Variants in SLC4A4 observed in about 807,000 individuals in gnomAD.
SLC4A4 encodes solute carrier family 4 member 4, also known as electrogenic sodium bicarbonate cotransporter 1.
SLC4A4 carries 27 observed loss-of-function variants against 111.5 expected under a neutral mutation model. That is an observed-to-expected ratio of 0.24 (90% CI 0.18 to 0.33). SLC4A4 has a LOEUF of 0.33. Among genes scored for constraint, SLC4A4 ranks in the 10% least tolerant of loss-of-function variants. The pLI is 1.00. For synonymous variants in SLC4A4, 443 were observed against 463.4 expected (o/e 0.96, Z 0.57); for missense variants, 909 against 1,315.5 (o/e 0.69, Z 4.78).
At chr4:71,333,887 G>T (rs969952063) in intron 3 of SLC4A4, among the ~76,000 whole-genome samples, 1 of 152,146 alleles carries the variant, frequency 6.6e-6, no homozygotes, top group Non-Finnish European at 1.5e-5. Context: ...ATGCTGCCAG[G>T]CCTGGGTTTC....
At chr4:71,106,569 TAC>T (rs1742926577) in intron 2 of SLC4A4, among the ~76,000 whole-genome samples, 3 of 145,872 alleles carry the variant, frequency 2.1e-5, no homozygotes, top group African/African-American at 7.7e-5. Flanking sequence ...GTGGCACATA[TAC>T]ACCATGGAAT....
intron 3 of SLC4A4, among the ~76,000 whole-genome samples, chr4:71,270,054 A>G (rs1024894896): frequency 2.0e-5 from 3 of 152,214 alleles, no homozygotes; most frequent in Non-Finnish European, 4.4e-5. Flanking sequence ...ACATTCACAC[A>G]TTAGCAAGGA....
chr4:71,229,815 T>G (rs1390199320), intron 1 of SLC4A4, among the ~76,000 whole-genome samples: 4 of 151,146 alleles, frequency 2.6e-5, no homozygotes, highest in Non-Finnish European at 5.9e-5. Context: ...CTGCGAAGTT[T>G]TTTTTTTTTT....
chr4:71,218,734 C>T (rs1718574756), intron 1 of SLC4A4, among the ~76,000 whole-genome samples: 1 of 152,080 alleles, frequency 6.6e-6, no homozygotes, highest in Admixed American at 6.6e-5. Context: ...ATAGTAGCAG[C>T]TATTTCATTG....
At chr4:71,309,315 G>T (rs1725947573) in intron 3 of SLC4A4, among the ~76,000 whole-genome samples, 1 of 152,160 alleles carries the variant, frequency 6.6e-6, no homozygotes, top group Admixed American at 6.5e-5. Context: ...CTGCCTGCCG[G>T]CTCTGAAGAG....
chr4:71,488,888 A>AT (rs143645485), intron 15 of SLC4A4, among the ~76,000 whole-genome samples: 3 of 140,588 alleles, frequency 2.1e-5, no homozygotes, highest in Non-Finnish European at 4.6e-5. Context: ...AGAAGAAAAA[A>AT]TGTGTGTGTG....
chr4:71,547,606 GAAGAC>G (rs746946315), intron 19 of SLC4A4, 37 bp from the exon 20 acceptor site: 1 of 1,499,214 alleles, frequency 6.7e-7, no homozygotes, highest in African/African-American at 1.4e-5. Context: ...GCATGTTTAT[GAAGAC>G]AAGAGGTAGA....
intron 3 of SLC4A4, among the ~76,000 whole-genome samples, chr4:71,323,599 G>C (rs1042427856): frequency 6.6e-6 from 1 of 151,982 alleles, no homozygotes; most frequent in African/African-American, 2.4e-5. Flanking sequence ...GAATGGATGG[G>C]GTTGCATGAA....
At chr4:71,447,059 T>C (rs1377949441) in intron 8 of SLC4A4, among the ~76,000 whole-genome samples, 1 of 152,276 alleles carries the variant, frequency 6.6e-6, no homozygotes, top group Non-Finnish European at 1.5e-5. Flanking sequence ...TTTGACTGTC[T>C]GTGAATGATG....
At chr4:71,166,430 G>A (rs2148979962) in intron 2 of SLC4A4, among the ~76,000 whole-genome samples, 1 of 152,294 alleles carries the variant, frequency 6.6e-6, no homozygotes, top group South Asian at 2.1e-4. Flanking sequence ...GGTCTCATAA[G>A]AAAGGTGAAG....
At position 71,464,645 on chromosome 4, in the gene SLC4A4, T is replaced by C. The variant is rs557035606; in HGVS notation, c.1498-1799T>C. Among the ~76,000 whole-genome samples, 9 of 152,262 alleles carry C rather than the reference T, an allele frequency of 5.9e-5. No homozygotes were observed. In the East Asian group the frequency reaches 1.7e-3, roughly 29 times the overall value. ...GTGTATTTGCCATGAGAGAAGCCAA[T>C]CTTACTATTTAATTGTCAAGTCTTG... On this transcript the variant is annotated intron_variant, in intron 12 of 25. Coordinates refer to ENST00000264485, the MANE Select transcript of SLC4A4 (RefSeq NM_001098484.3).
chr4:71,566,251 A>G (rs1737460548), intron 24 of SLC4A4, among the ~76,000 whole-genome samples: 2 of 95,318 alleles, frequency 2.1e-5, no homozygotes, highest in African/African-American at 6.5e-5. Context: ...AACTCCTCAA[A>G]CCATGTTCTG....
chr4:71,556,510 A>T (rs1468946159), intron 21 of SLC4A4, among the ~76,000 whole-genome samples: 1 of 151,936 alleles, frequency 6.6e-6, no homozygotes, highest in Non-Finnish European at 1.5e-5. Flanking sequence ...GTGCATGTTT[A>T]TTTAATTAAA....
At chr4:71,097,030 G>A (rs1742577369) in intron 2 of SLC4A4, among the ~76,000 whole-genome samples, 1 of 152,022 alleles carries the variant, frequency 6.6e-6, no homozygotes, top group Non-Finnish European at 1.5e-5. Flanking sequence ...CTTTTTGTTT[G>A]TTTGTTTTAG....
chr4:71,237,729 C>T (rs986653637), intron 2 of SLC4A4, among the ~76,000 whole-genome samples: 2 of 152,162 alleles, frequency 1.3e-5, no homozygotes, highest in African/African-American at 4.8e-5. Context: ...CATGTTGTTT[C>T]TCATGTTTCT....
At chr4:71,204,024 T>G (rs1023351365) in intron 1 of SLC4A4, among the ~76,000 whole-genome samples, 1 of 152,220 alleles carries the variant, frequency 6.6e-6, no homozygotes, top group Admixed American at 6.5e-5. Context: ...ATATTTTCTC[T>G]GAAAACCAAG....
chr4:71,554,627 G>A (rs1475120560), intron 20 of SLC4A4, among the ~76,000 whole-genome samples: 1 of 151,692 alleles, frequency 6.6e-6, no homozygotes, highest in African/African-American at 2.4e-5. Flanking sequence ...GAAGCGAGGG[G>A]ATAGTCTTTT....
At chr4:71,406,046 C>G (rs974467530) in intron 7 of SLC4A4, among the ~76,000 whole-genome samples, 9 of 151,402 alleles carry the variant, frequency 5.9e-5, no homozygotes, top group African/African-American at 1.5e-4. Flanking sequence ...GGCTTCATCT[C>G]AAGAGCCCTT....
At chr4:71,184,086 C>T (rs990155126), upstream of SLC4A4, among the ~76,000 whole-genome samples, 2 of 152,080 alleles carry the variant, frequency 1.3e-5, no homozygotes, top group Non-Finnish European at 2.9e-5. Flanking sequence ...GGTGACAAGC[C>T]ATCACTCTTC....
Sources: gnomAD v4.1 joint callset for allele counts (sites outside exome capture counted in the v4.1 genomes callset) on GRCh38, gnomAD v4.1.1 for gene constraint, MANE v1.5 for transcripts, NCBI Gene and HGNC (gene_info 2026-07-23, HGNC 2026-07-21) for gene names.